Variants in APOBEC3G observed in about 807,000 individuals in gnomAD.
APOBEC3G encodes the protein apolipoprotein B mRNA editing enzyme catalytic subunit 3G.
A neutral mutation model predicts 50.0 loss-of-function variants in APOBEC3G; 44 were observed. That is an observed-to-expected ratio of 0.88 (90% CI 0.69 to 1.13). APOBEC3G has a LOEUF of 1.13. Among genes scored for constraint, APOBEC3G ranks in the 50% most tolerant of loss-of-function variants. APOBEC3G has a pLI of 0.00. For synonymous variants in APOBEC3G, 156 were observed against 175.3 expected (o/e 0.89, Z 0.87); for missense variants, 469 against 492.0 (o/e 0.95, Z 0.44).
Position 39,087,037 on chromosome 22 carries a change from G to A in APOBEC3G, c.1051G>A (p.Val351Met). The change falls in exon 7 of 8, where the codon GTG (valine) becomes ATG (methionine). Residue 351 changes from valine (V) to methionine (M), a missense_variant. By Grantham distance (21) the Val-to-Met change is conservative (BLOSUM62 1). Transcript: ENST00000407997. ...ATTTAAGCACTGCTGGGACACCTTTGTGGACCACCAGGGATGTCCCTTCCA... is the reference window on the plus strand; with the variant it reads ...ATTTAAGCACTGCTGGGACACCTTTATGGACCACCAGGGATGTCCCTTCCA... ...SEFKHCWDTF[V>M]DHQGCPFQPW... The A allele has an allele frequency of 6.2e-7, 1 of 1,612,164 alleles. No individual in the cohort carries two copies. Among genetic ancestry groups the A allele is most frequent in the Non-Finnish European group, 8.5e-7 (1 of 1,179,150 alleles).
intron 5 of APOBEC3G, 52 bp downstream of exon 5, chr22:39,083,936 A>G (rs1928588473): frequency 2.5e-6 from 4 of 1,586,792 alleles, no homozygotes; most frequent in South Asian, 1.1e-5. Flanking sequence ...ACCCAGGGAC[A>G]CCCATGGGCA....
chr22:39,077,197 C>T (rs1362308596), upstream of APOBEC3G: 2 of 1,162,228 alleles, frequency 1.7e-6, no homozygotes, highest in African/African-American at 3.1e-5. Flanking sequence ...TAAAGCGTCC[C>T]AGGGCCTCCT....
chr22:39,083,662 G>C, intron 4 of APOBEC3G, 69 bp from the exon 5 acceptor site: 2 of 1,552,774 alleles, frequency 1.3e-6, no homozygotes, highest in Non-Finnish European at 1.8e-6. Context: ...AGGAAGCGTG[G>C]AGAGGGAGGG....
chr22:39,087,449 C>G lies in APOBEC3G; in HGVS notation c.*28C>G. ...GATGGGCCTCAGTCTCTAAGGAAGG[C>G]AGAGACCTGGGTTGAGCCTCAGAAT... On this transcript the variant is annotated 3_prime_UTR_variant, in exon 8 of 8. Coordinates refer to ENST00000407997, the MANE Select transcript of APOBEC3G (RefSeq NM_021822.4). The G allele has an allele frequency of 6.2e-7, 1 of 1,613,940 alleles. No individual in the cohort carries two copies. The highest frequency in any genetic ancestry group is 2.2e-5 in the East Asian group (1 of 44,884).
chr22:39,077,493 C>G, intron 1 of APOBEC3G, 115 bp downstream of exon 1: 2 of 1,521,290 alleles, frequency 1.3e-6, no homozygotes, highest in Non-Finnish European at 1.8e-6. Context: ...GGGCTCCCTC[C>G]CCTCTGACTC....
In APOBEC3G at chr22:39,080,670, G is replaced by A. The variant is rs1019754166; in HGVS notation, c.172-263G>A. 1.5e-4 allele frequency: 76 copies of A among 490,380 alleles called. No homozygotes were observed. The South Asian group carries it at 2.2e-3, about 14-fold the overall frequency. 30.4% of individuals were successfully genotyped at this position (490,380 alleles called of 1,614,324 possible). A position where few individuals can be genotyped will look rare whatever the true frequency, so the allele number is the denominator to read the frequency against. On this transcript the variant is annotated intron_variant, in intron 2 of 7. Transcript: ENST00000407997. ...CTGAAGTCGCCCTTGAATAACCACA[G>A]CAGTGGCACCCACAAAGGTGCAGTT...
rs750831926 is a variant in APOBEC3G, at chr22:39,087,027, G to A, written c.1041G>A (p.Trp347Ter). 4 of 1,610,212 alleles carry A rather than the reference G, an allele frequency of 2.5e-6. No homozygotes were observed. The highest frequency in any genetic ancestry group is 2.2e-5 in the East Asian group (1 of 44,796). The change falls in exon 7 of 8, where the codon TGG (tryptophan) becomes TGA (stop). Residue 347 changes from tryptophan (W) to a stop codon, truncating the protein, a stop_gained. Coordinates refer to ENST00000407997, the MANE Select transcript of APOBEC3G (RefSeq NM_021822.4). LOFTEE classifies it high-confidence loss of function. ...IMTYSEFKHC[W>*]DTFVDHQGCP... ...CCTTTTCAGAATTTAAGCACTGCTG[G>A]GACACCTTTGTGGACCACCAGGGAT...
chr22:39,084,920 G>C (rs1928627998), intron 5 of APOBEC3G, among the ~76,000 whole-genome samples: 1 of 152,216 alleles, frequency 6.6e-6, no homozygotes, highest in African/African-American at 2.4e-5. Flanking sequence ...TCTGGTGCTG[G>C]AAACGGGGTT....
At position 39,086,531 on chromosome 22, in the gene APOBEC3G, G is replaced by T. The variant is rs142051350; in HGVS notation, c.988G>T (p.Glu330Ter). 1 of 1,610,582 alleles carries T rather than the reference G, an allele frequency of 6.2e-7. No homozygotes were observed. ...RCQEGLRTLA[E>*]AGAKISIMTY... Reference sequence around the variant, plus strand: ...TCAGGAGGGGCTGCGCACCCTGGCCGAGGCTGGGGCCAAAATTTCAATAAT... The same window carrying T: ...TCAGGAGGGGCTGCGCACCCTGGCCTAGGCTGGGGCCAAAATTTCAATAAT... Residue 330 changes from glutamate to a stop codon, truncating the protein, a stop_gained, in exon 6 of 8, where the codon GAG becomes TAG. Transcript: ENST00000407997. LOFTEE classifies it high-confidence loss of function.
At chr22:39,077,680 G>T (rs888634626) in intron 1 of APOBEC3G, among the ~76,000 whole-genome samples, 9 of 152,340 alleles carry the variant, frequency 5.9e-5, no homozygotes, top group African/African-American at 1.9e-4. Flanking sequence ...CCCTCTGTGT[G>T]CTTCCCGCCA....
At chr22:39,082,113 G>T (rs1407759141) in intron 4 of APOBEC3G, 1 of 157,310 alleles carries the variant, frequency 6.4e-6, no homozygotes, top group Non-Finnish European at 1.4e-5. Flanking sequence ...GAGGCTGCAA[G>T]TCCAAGGTGG....
At chr22:39,077,505 C>T in intron 1 of APOBEC3G, 127 bp downstream of exon 1, 1 of 1,486,068 alleles carries the variant, frequency 6.7e-7, no homozygotes, top group South Asian at 1.2e-5. Context: ...CTCTGACTCC[C>T]CTGCACCCCC....
chr22:39,085,322 A>C (rs1928645254), intron 5 of APOBEC3G, among the ~76,000 whole-genome samples: 1 of 152,184 alleles, frequency 6.6e-6, no homozygotes, highest in African/African-American at 2.4e-5. Context: ...AGGGTAAAGC[A>C]CAATGTGGAA....
Position 39,078,919 on chromosome 22 carries a change from C to G in APOBEC3G, c.18-13C>G, listed in dbSNP as rs1301282346. The G allele has an allele frequency of 6.2e-7, 1 of 1,613,200 alleles. No homozygotes were observed. The highest frequency in any genetic ancestry group is 2.2e-5 in the East Asian group (1 of 44,880). ...GCTCTCTACATTGGCTGGTTTCTCT[C>G]TTGTGTCTTCAGAAACACAGTGGAG... On this transcript the variant is annotated splice_polypyrimidine_tract_variant and intron_variant, in intron 1 of 7. Coordinates refer to ENST00000407997, the MANE Select transcript of APOBEC3G (RefSeq NM_021822.4).
Position 39,085,007 on chromosome 22 carries a change from G to A in APOBEC3G, c.735+1123G>A, listed in dbSNP as rs34146529. On this transcript the variant is annotated intron_variant, in intron 5 of 7. Coordinates refer to ENST00000407997, the MANE Select transcript of APOBEC3G (RefSeq NM_021822.4). ...CTTGGAAGCTACTTTCAAAGGCACCGGTCCCCATCACTGTCTAACCAGTGG... is the reference window on the plus strand; with the variant it reads ...CTTGGAAGCTACTTTCAAAGGCACCAGTCCCCATCACTGTCTAACCAGTGG... Among the ~76,000 whole-genome samples the A allele has an allele frequency of 9.2e-5, 14 of 152,244 alleles. No individual in the cohort carries two copies. The East Asian group carries it at 1.5e-3, about 17-fold the overall frequency.
intron 5 of APOBEC3G, among the ~76,000 whole-genome samples, chr22:39,084,924 C>T (rs545113001): frequency 1.6e-4 from 25 of 152,328 alleles, no homozygotes; most frequent in African/African-American, 5.8e-4. Flanking sequence ...GTGCTGGAAA[C>T]GGGGTTCCTC....
intron 7 of APOBEC3G, 102 bp downstream of exon 7, chr22:39,087,228 C>T (rs948958583): frequency 4.2e-5 from 67 of 1,604,338 alleles, no homozygotes; most frequent in Non-Finnish European, 5.5e-5. Context: ...CTCTGGGTTC[C>T]CTGCTCCCCC....
At chr22:39,080,289 AC>A (rs1216891131) in intron 2 of APOBEC3G, 2 of 611,626 alleles carry the variant, frequency 3.3e-6, no homozygotes, top group African/African-American at 4.0e-5. Flanking sequence ...GAATTCACAC[AC>A]GAGGCCATGA....
rs1047088553 is a variant in APOBEC3G at position 39,081,780 on chromosome 22, C to T, written c.581+195C>T. 9.1e-6 allele frequency: 5 copies of T among 547,226 alleles called. No individual in the cohort carries two copies. The East Asian group carries it at 1.3e-4, about 14-fold the overall frequency. The allele number at this position is 547,226 out of a possible 1,614,324, so 33.9% of individuals were successfully genotyped here. On this transcript the variant is annotated intron_variant, in intron 4 of 7. Transcript: ENST00000407997. ...CTCCCTCCACCTCCCTGCCTCCCAC[C>T]TGCTTTCCTGGGCCCTTCCTGTGAG...
Sources: allele counts gnomAD v4.1 joint callset (sites outside exome capture counted in the v4.1 genomes callset), GRCh38; gene constraint gnomAD v4.1.1; transcripts MANE v1.5; gene names NCBI Gene and HGNC (gene_info 2026-07-23, HGNC 2026-07-21).